The following MARCHF8 variants were observed in gnomAD, a reference collection of about 807,000 sequenced individuals.
The protein encoded by MARCHF8 is membrane associated ring-CH-type finger 8.
In MARCHF8, 40 loss-of-function variants were observed where a neutral mutation model predicts 51.6. That is an observed-to-expected ratio of 0.77 (90% CI 0.60 to 1.01). The LOEUF (loss-of-function observed/expected upper bound fraction) is 1.01. Ranked by LOEUF, MARCHF8 falls within the 50% of genes least tolerant of loss-of-function variation. MARCHF8 has a pLI of 0.00. For missense variants in MARCHF8, 685 were observed against 708.6 expected, an observed-to-expected ratio of 0.97 and a Z score of 0.38; for synonymous variants, 263 against 280.3, an observed-to-expected ratio of 0.94 and a Z score of 0.62.
intron 2 of MARCHF8, among the ~76,000 whole-genome samples, chr10:45,503,078 C>T (rs1183477729): frequency 6.6e-6 from 1 of 152,160 alleles, no homozygotes; most frequent in East Asian, 1.9e-4. Context: ...ATTGAAGTAG[C>T]AAAATACTGA....
At chr10:45,572,100 G>A (rs996513693) in intron 1 of MARCHF8, among the ~76,000 whole-genome samples, 4 of 149,550 alleles carry the variant, frequency 2.7e-5, no homozygotes, top group African/African-American at 9.9e-5. Flanking sequence ...TGGGGGGCAA[G>A]CACCCCTTAC....
chr10:45,523,206 T>G (rs2043738123), intron 2 of MARCHF8, among the ~76,000 whole-genome samples: 1 of 152,218 alleles, frequency 6.6e-6, no homozygotes. Flanking sequence ...GACTGTAGTA[T>G]TATTTACTGC....
chr10:45,540,472 A>G lies in MARCHF8; in HGVS notation c.-78-7183T>C, dbSNP rs1471593908. On this transcript the variant is annotated intron_variant, in intron 1 of 6. Coordinates refer to the MARCHF8 transcript ENST00000319836. ...CCTAAAACCATAAAAACCCTAGAAG[A>G]AAACCTAGGCAATACCATTCAGGAC... Among the ~76,000 whole-genome samples the G allele has an allele frequency of 6.6e-5, 10 of 152,358 alleles. No individual in the cohort carries two copies. The East Asian group carries it at 1.9e-3, about 29-fold the overall frequency.
chr10:45,475,797 T>C (rs2042776907), intron 3 of MARCHF8, among the ~76,000 whole-genome samples: 1 of 152,094 alleles, frequency 6.6e-6, no homozygotes, highest in Non-Finnish European at 1.5e-5. Flanking sequence ...CTAACACTGG[T>C]GCCAGCATAT....
chr10:45,492,819 C>T (rs1023233026), intron 2 of MARCHF8, among the ~76,000 whole-genome samples: 1 of 152,206 alleles, frequency 6.6e-6, no homozygotes, highest in African/African-American at 2.4e-5. Flanking sequence ...TATTGAGAAT[C>T]CCTTATTTGA....
chr10:45,542,161 C>T (rs557811259), intron 1 of MARCHF8, among the ~76,000 whole-genome samples: 2 of 151,966 alleles, frequency 1.3e-5, no homozygotes, highest in Non-Finnish European at 2.9e-5. Context: ...CTGGCTAACA[C>T]GGTGAAACCC....
chr10:45,594,647 G>A (rs1356885065), exon 1 of MARCHF8: 1 of 127,126 alleles, frequency 7.9e-6, no homozygotes, highest in Non-Finnish European at 1.6e-5. Context: ...ACCTGTAGCC[G>A]ACGCGCTGCC....
chr10:45,474,278 G>A (rs755933392), intron 3 of MARCHF8, among the ~76,000 whole-genome samples: 1 of 152,278 alleles, frequency 6.6e-6, no homozygotes, highest in Non-Finnish European at 1.5e-5. Flanking sequence ...AGGACACAAC[G>A]TCCTGAACAG....
intron 1 of MARCHF8, among the ~76,000 whole-genome samples, chr10:45,566,028 G>A (rs185832301): frequency 6.6e-6 from 1 of 152,212 alleles, no homozygotes; most frequent in Admixed American, 6.5e-5. Context: ...GGATCACCAG[G>A]TGGCACATCG....
intron 3 of MARCHF8, among the ~76,000 whole-genome samples, chr10:45,485,974 T>TA (rs952537071): frequency 7.2e-5 from 11 of 152,118 alleles, no homozygotes; most frequent in African/African-American, 1.7e-4. Flanking sequence ...AATACTCCAA[T>TA]AAAAAAACTG....
At chr10:45,592,056 G>A (rs973571680) in intron 1 of MARCHF8, among the ~76,000 whole-genome samples, 3 of 152,088 alleles carry the variant, frequency 2.0e-5, no homozygotes, top group Non-Finnish European at 2.9e-5. Flanking sequence ...TTAGCACCTG[G>A]AGAACTAGAA....
At chr10:45,537,391 G>A (rs1164900143), upstream of MARCHF8, among the ~76,000 whole-genome samples, 8 of 152,122 alleles carry the variant, frequency 5.3e-5, no homozygotes, top group African/African-American at 1.7e-4. Context: ...GGTGGTTCGC[G>A]CCTATAACAC....
At chr10:45,469,143 T>G (rs1225001552) in intron 3 of MARCHF8, among the ~76,000 whole-genome samples, 2 of 151,444 alleles carry the variant, frequency 1.3e-5, no homozygotes, top group African/African-American at 4.9e-5. Context: ...TTATGTCCAG[T>G]AATGAACACA....
At chr10:45,573,762 C>T (rs1414491510) in intron 1 of MARCHF8, among the ~76,000 whole-genome samples, 1 of 152,154 alleles carries the variant, frequency 6.6e-6, no homozygotes, top group Non-Finnish European at 1.5e-5. Context: ...TAAGTCCATC[C>T]CCTTCTTAAT....
intron 1 of MARCHF8, among the ~76,000 whole-genome samples, chr10:45,592,129 A>C (rs1339579571): frequency 6.7e-6 from 1 of 149,208 alleles, no homozygotes. Context: ...CTATTGATTT[A>C]AAAAATGAAT....
chr10:45,586,010 T>C (rs2044614673), intron 1 of MARCHF8, among the ~76,000 whole-genome samples: 1 of 152,172 alleles, frequency 6.6e-6, no homozygotes, highest in African/African-American at 2.4e-5. Flanking sequence ...CATAGGTATA[T>C]GTTCAGTCTG....
chr10:45,481,806 C>T (rs979391250), intron 3 of MARCHF8, among the ~76,000 whole-genome samples: 3 of 152,146 alleles, frequency 2.0e-5, no homozygotes, highest in Admixed American at 1.3e-4. Context: ...CAACACAGTA[C>T]TGGAAGTCCT....
intron 6 of MARCHF8, among the ~76,000 whole-genome samples, chr10:45,460,669 G>A (rs185589839): frequency 4.6e-5 from 7 of 152,346 alleles, no homozygotes; most frequent in African/African-American, 1.2e-4. Context: ...AGGGAGCAGT[G>A]ACATGGGCCT....
At chr10:45,545,036 T>G (rs2044102849) in intron 1 of MARCHF8, among the ~76,000 whole-genome samples, 1 of 152,194 alleles carries the variant, frequency 6.6e-6, no homozygotes, top group African/African-American at 2.4e-5. Context: ...CTTCCCCTTT[T>G]GGGCTAACTA....
Sources: gnomAD v4.1 joint callset for allele counts (sites outside exome capture counted in the v4.1 genomes callset) on GRCh38, gnomAD v4.1.1 for gene constraint, MANE v1.5 for transcripts, NCBI Gene and HGNC (gene_info 2026-07-23, HGNC 2026-07-21) for gene names.